TJP2: variants seen among roughly 807,000 people sequenced by gnomAD.
TJP2 encodes the protein tight junction protein 2.
TJP2 carries 91 observed loss-of-function variants against 133.1 expected under a neutral mutation model. The observed-to-expected ratio is 0.68, with a 90% CI of 0.58 to 0.81. The LOEUF is 0.81. Among genes scored for constraint, TJP2 ranks in the 40% least tolerant of loss-of-function variants. The pLI is 0.00. For synonymous variants in TJP2, 592 were observed against 583.4 expected, an observed-to-expected ratio of 1.01 and a Z score of -0.21; for missense variants, 1,541 against 1,565.6, an observed-to-expected ratio of 0.98 and a Z score of 0.26.
chr9:69,178,976 A>AT (rs11415210), intron 1 of TJP2, among the ~76,000 whole-genome samples: 136,273 of 149,496 alleles, frequency 0.91, 62,098 homozygotes, highest in Middle Eastern at 0.95. Context: ...TTTTTTTCTT[A>AT]TTTTTTTTTT....
chr9:69,231,545 G>A (rs1829785580), intron 11 of TJP2, among the ~76,000 whole-genome samples: 1 of 152,046 alleles, frequency 6.6e-6, no homozygotes, highest in African/African-American at 2.4e-5. Context: ...CCAAGGAGAG[G>A]GGAGAAAAAA....
intron 1 of TJP2, among the ~76,000 whole-genome samples, chr9:69,123,169 C>T (rs1304091219): frequency 3.3e-5 from 5 of 152,098 alleles, no homozygotes; most frequent in African/African-American, 7.2e-5. Flanking sequence ...CATTTCCATC[C>T]GGTTATGTAT....
chr9:69,122,071 T>C (rs1822170028), intron 1 of TJP2: 1 of 152,250 alleles, frequency 6.6e-6, no homozygotes, highest in Non-Finnish European at 1.5e-5. Context: ...CATCAACAGG[T>C]GTGCCTGAAC....
intron 1 of TJP2, among the ~76,000 whole-genome samples, chr9:69,196,636 A>G (rs1826579447): frequency 6.6e-6 from 1 of 152,156 alleles, no homozygotes; most frequent in Admixed American, 6.5e-5. Context: ...GATATAATTC[A>G]TATACCATAC....
chr9:69,219,009 G>T (rs1270997768), intron 4 of TJP2, among the ~76,000 whole-genome samples: 2 of 146,560 alleles, frequency 1.4e-5, no homozygotes, highest in Non-Finnish European at 3.0e-5. Flanking sequence ...TGCTCTTGTT[G>T]CCCAGGCTGG....
At chr9:69,239,720 A>G (rs1588139152) in intron 16 of TJP2, among the ~76,000 whole-genome samples, 1 of 152,226 alleles carries the variant, frequency 6.6e-6, no homozygotes, top group East Asian at 1.9e-4. Flanking sequence ...AGGCTGAGAC[A>G]GGATAATTGC....
rs1166597518 is a variant in TJP2 at position 69,248,989 on chromosome 9, AAG to A, written c.2881-385_2881-384del. On this transcript the variant is annotated intron_variant, in intron 19 of 22. Transcript: ENST00000377245. ...AACTACCAAAAAAAAAAAAAAAAAA[AAG>A]TTCAACAACAACAAACTGAAGGGGG... The A allele has an allele frequency of 3.6e-5, 35 of 969,046 alleles. No homozygotes were observed. In the African/African-American group the frequency reaches 5.1e-4, roughly 14 times the overall value. The allele number at this position is 969,046 out of a possible 1,614,324, so 60.0% of individuals were successfully genotyped here.
At chr9:69,251,430 C>T (rs1433697629) in intron 21 of TJP2, 66 bp downstream of exon 21, 14 of 1,506,928 alleles carry the variant, frequency 9.3e-6, no homozygotes, top group African/African-American at 2.8e-5. Context: ...AACATAACAG[C>T]GAACAGCCCC....
intron 2 of TJP2, among the ~76,000 whole-genome samples, chr9:69,213,141 G>A (rs183285330): frequency 8.3e-5 from 12 of 144,748 alleles, no homozygotes; most frequent in Non-Finnish European, 3.0e-5. Context: ...TCGGCTCAGC[G>A]CAACCTCCGC....
At chr9:69,165,979 T>C (rs973000142) in intron 2 of TJP2, among the ~76,000 whole-genome samples, 3 of 152,162 alleles carry the variant, frequency 2.0e-5, no homozygotes, top group Non-Finnish European at 4.4e-5. Context: ...ATAAGTCACC[T>C]AGGAGTCTGC....
intron 21 of TJP2, among the ~76,000 whole-genome samples, chr9:69,252,195 C>T (rs1392675970): frequency 2.0e-5 from 3 of 152,058 alleles, no homozygotes; most frequent in African/African-American, 7.2e-5. Flanking sequence ...AAGGTTTTGT[C>T]ATGTTGCTAG....
intron 2 of TJP2, among the ~76,000 whole-genome samples, chr9:69,155,842 G>C (rs1438990255): frequency 6.6e-6 from 1 of 152,202 alleles, no homozygotes; most frequent in Non-Finnish European, 1.5e-5. Context: ...CAGTGACTAA[G>C]TCAGGGGAGG....
At chr9:69,144,391 A>G (rs573031069) in intron 1 of TJP2, among the ~76,000 whole-genome samples, 12 of 152,298 alleles carry the variant, frequency 7.9e-5, no homozygotes, top group Admixed American at 2.0e-4. Context: ...ATCTAGGTTA[A>G]TCAGAGTTAC....
intron 1 of TJP2, among the ~76,000 whole-genome samples, chr9:69,130,985 G>A (rs1300032058): frequency 6.6e-6 from 1 of 152,178 alleles, no homozygotes; most frequent in African/African-American, 2.4e-5. Flanking sequence ...AGGAAGGGCA[G>A]CATCCCCGGG....
intron 1 of TJP2, among the ~76,000 whole-genome samples, chr9:69,175,375 C>G (rs1203791197): frequency 6.6e-6 from 1 of 152,186 alleles, no homozygotes; most frequent in Non-Finnish European, 1.5e-5. Context: ...TTCTTCAGCT[C>G]CCCAGGTGGT....
In TJP2 at chr9:69,225,278, T is replaced by C. The variant is rs753816431; in HGVS notation, c.953-26T>C. The C allele has an allele frequency of 2.2e-6, 3 of 1,377,524 alleles. No individual in the cohort carries two copies. In the East Asian group the frequency reaches 6.9e-5, roughly 31 times the overall value. 85.3% of individuals were successfully genotyped at this position (1,377,524 alleles called of 1,614,324 possible). ...TTTTTGAACAAATTGATAACATACG[T>C]GTATGTTTATGTGTTTGTCTCCTAG... On this transcript the variant is annotated intron_variant, in intron 5 of 22. Coordinates refer to ENST00000377245, the MANE Select transcript of TJP2 (RefSeq NM_004817.4).
upstream of TJP2, among the ~76,000 whole-genome samples, chr9:69,170,990 T>A (rs1824649490): frequency 6.6e-6 from 1 of 152,238 alleles, no homozygotes. Flanking sequence ...GCCTAGCACA[T>A]AGGAGACACT....
At chr9:69,219,874 A>G (rs920486044) in intron 4 of TJP2, among the ~76,000 whole-genome samples, 2 of 145,354 alleles carry the variant, frequency 1.4e-5, no homozygotes, top group Non-Finnish European at 3.0e-5. Context: ...TAAAAATGGC[A>G]TTGGGCCAGG....
At chr9:69,248,923 T>G (rs1174534396) in intron 19 of TJP2, 1 of 993,194 alleles carries the variant, frequency 1.0e-6, no homozygotes. Context: ...CTCTAGCATT[T>G]TAGCTCATTC....
Sources: allele counts gnomAD v4.1 joint callset (sites outside exome capture counted in the v4.1 genomes callset), GRCh38; gene constraint gnomAD v4.1.1; transcripts MANE v1.5; gene names NCBI Gene and HGNC (gene_info 2026-07-23, HGNC 2026-07-21).